Variants in ST8SIA1 observed in about 807,000 individuals in gnomAD.
The protein encoded by ST8SIA1 is alpha-N-acetylneuraminide alpha-2,8-sialyltransferase.
Under a neutral mutation model 35.9 loss-of-function variants are expected in ST8SIA1, and 16 were observed. That is an observed-to-expected ratio of 0.45 (90% CI 0.30 to 0.68). ST8SIA1 has a LOEUF of 0.68. Ranked by LOEUF, ST8SIA1 falls within the 30% of genes least tolerant of loss-of-function variation. The pLI, the probability that ST8SIA1 is intolerant of heterozygous loss-of-function variation, is 0.09. For synonymous variants in ST8SIA1, 170 were observed against 169.6 expected (o/e 1.00, Z -0.02); for missense variants, 383 against 453.6 (o/e 0.84, Z 1.41).
chr12:22,222,730 A>G lies in ST8SIA1; in HGVS notation c.585-20692T>C, dbSNP rs137962696. Among the ~76,000 whole-genome samples the G allele has an allele frequency of 1.3e-3, 200 of 152,156 alleles. 1 individual carries two copies. The East Asian group carries it at 0.031, about 23-fold the overall frequency. On this transcript the variant is annotated intron_variant, in intron 4 of 4. Transcript: ENST00000396037. Reference sequence around the variant, plus strand: ...TCATTGATTTATTTATGATTGATAAATAAAATTAGTTTCTTTACATTTTAA... The same window carrying G: ...TCATTGATTTATTTATGATTGATAAGTAAAATTAGTTTCTTTACATTTTAA...
At position 22,334,316 on chromosome 12, in the gene ST8SIA1, GC is replaced by G; in HGVS notation, c.-85del. On this transcript the variant is annotated 5_prime_UTR_variant, in exon 1 of 5. It removes the in-frame stop codon of an upstream open reading frame in the 5' UTR. Transcript: ENST00000396037. ...GGCAGCGGAGGGTCCCCCACCGCCA[GC>G]CCCCCATGCACACACACCTTTGGTT... 9.6e-7 allele frequency: 1 copy of G among 1,041,608 alleles called. No individual in the cohort carries two copies. The highest frequency in any genetic ancestry group is 2.2e-5 in the Admixed American group (1 of 44,524). The allele number at this position is 1,041,608 out of a possible 1,614,324, so 64.5% of individuals were successfully genotyped here.
chr12:22,238,802 GATTT>G (rs1227892392), intron 4 of ST8SIA1, among the ~76,000 whole-genome samples: 1 of 152,014 alleles, frequency 6.6e-6, no homozygotes, highest in Non-Finnish European at 1.5e-5. Context: ...AAATTGTTTA[GATTT>G]ATTGATATGT....
rs557423921 is a variant in ST8SIA1, at chr12:22,270,814, A to C, written c.382-15425T>G. Among the ~76,000 whole-genome samples the C allele has an allele frequency of 4.6e-5, 7 of 152,368 alleles. No homozygotes were observed. The South Asian group carries it at 1.4e-3, about 32-fold the overall frequency. ...TACCCCATAAATTTACACAAATTTT[A>C]AAGATAGGAACAAAAAGAAAATTGA... is the stretch of plus-strand genomic sequence containing the variant. On this transcript the variant is annotated intron_variant, in intron 2 of 4. Transcript: ENST00000396037.
At chr12:22,241,544 C>T (rs1037027331) in intron 4 of ST8SIA1, among the ~76,000 whole-genome samples, 8 of 151,354 alleles carry the variant, frequency 5.3e-5, no homozygotes, top group African/African-American at 7.3e-5. Context: ...GTAAAGTCTG[C>T]GGAACCAGGA....
rs2135804407 is a variant in ST8SIA1, at chr12:22,268,191, A to G, written c.382-12802T>C. On this transcript the variant is annotated intron_variant, in intron 2 of 4. Transcript: ENST00000396037. ...ATCCAGCCCCAGACTTTCTGGAGAA[A>G]TGCCAAGAATCTATCTAAGCAAATG... Among the ~76,000 whole-genome samples, 3 of 152,350 alleles carry G rather than the reference A, an allele frequency of 2.0e-5. No individual in the cohort carries two copies. The Middle Eastern group carries it at 0.01, about 518-fold the overall frequency.
At chr12:22,276,132 C>A (rs2135809557) in intron 2 of ST8SIA1, among the ~76,000 whole-genome samples, 1 of 152,324 alleles carries the variant, frequency 6.6e-6, no homozygotes, top group East Asian at 1.9e-4. Flanking sequence ...GGGCTTGTCA[C>A]TGGGAAAACA....
chr12:22,210,117 T>G (rs1411585266), intron 4 of ST8SIA1, among the ~76,000 whole-genome samples: 1 of 152,156 alleles, frequency 6.6e-6, no homozygotes, highest in Non-Finnish European at 1.5e-5. Context: ...TAACTCTAAT[T>G]TACATTGAAA....
At chr12:22,217,902 A>G (rs1307619226) in intron 4 of ST8SIA1, among the ~76,000 whole-genome samples, 2 of 152,240 alleles carry the variant, frequency 1.3e-5, no homozygotes, top group Admixed American at 1.3e-4. Flanking sequence ...ATGTCTGTGC[A>G]TTTGTTTATA....
chr12:22,299,774 C>T (rs996101755), intron 1 of ST8SIA1, among the ~76,000 whole-genome samples: 7 of 151,906 alleles, frequency 4.6e-5, no homozygotes, highest in African/African-American at 1.7e-4. Flanking sequence ...TGCATCTGGC[C>T]ATTTTCAGTT....
chr12:22,203,508 G>T (rs1438309807), intron 4 of ST8SIA1, among the ~76,000 whole-genome samples: 1 of 152,186 alleles, frequency 6.6e-6, no homozygotes, highest in African/African-American at 2.4e-5. Context: ...CCAGAAGGAA[G>T]GGAAATCTCT....
intron 4 of ST8SIA1, among the ~76,000 whole-genome samples, chr12:22,202,951 G>A (rs773856975): frequency 7.9e-5 from 12 of 152,166 alleles, no homozygotes; most frequent in Admixed American, 3.3e-4. Context: ...TGCTAATGGC[G>A]GCAGCAGTGG....
At chr12:22,296,865 G>A (rs1458961663) in intron 1 of ST8SIA1, among the ~76,000 whole-genome samples, 1 of 152,184 alleles carries the variant, frequency 6.6e-6, no homozygotes, top group Non-Finnish European at 1.5e-5. Context: ...CAGATCACAA[G>A]TACCAGTCAC....
In ST8SIA1 at chr12:22,315,207, T is replaced by A. The variant is rs548170080; in HGVS notation, c.236+18790A>T. On this transcript the variant is annotated intron_variant, in intron 1 of 4. Transcript: ENST00000396037. The stretch of plus-strand genomic sequence containing the variant: ...AAACTCAATAATGACTCGTTGAATT[T>A]AAAAAAAAAAAGTGCTAAACAGAGT... 2.7e-4 allele frequency among the ~76,000 whole-genome samples: 40 copies of A among 147,278 alleles called. No homozygotes were observed. In the East Asian group the frequency reaches 5.3e-3, roughly 20 times the overall value.
chr12:22,202,058 CT>C lies in ST8SIA1; in HGVS notation c.585-21del. On this transcript the variant is annotated intron_variant, in intron 4 of 4. Transcript: ENST00000396037. ...TGAAACCTATTGAAGAAAAAAAAAA[CT>C]GTTCAATTAAACCTAGAGAAAAAGA... The C allele has an allele frequency of 6.5e-7, 1 of 1,535,782 alleles. No individual in the cohort carries two copies. Among genetic ancestry groups the C allele is most frequent in the South Asian group, 1.3e-5 (1 of 77,208 alleles).
chr12:22,294,005 A>G (rs1334632496), intron 1 of ST8SIA1, among the ~76,000 whole-genome samples: 3 of 152,138 alleles, frequency 2.0e-5, no homozygotes, highest in Non-Finnish European at 4.4e-5. Context: ...ACTTAAAGAA[A>G]TCTGTCTGAA....
At chr12:22,240,664 G>T (rs1865529977) in intron 4 of ST8SIA1, among the ~76,000 whole-genome samples, 1 of 152,130 alleles carries the variant, frequency 6.6e-6, no homozygotes, top group South Asian at 2.1e-4. Flanking sequence ...TTGGACCCAA[G>T]TTATTTTCCT....
chr12:22,327,989 C>A (rs1475903511), intron 1 of ST8SIA1, among the ~76,000 whole-genome samples: 1 of 152,236 alleles, frequency 6.6e-6, no homozygotes, highest in African/African-American at 2.4e-5. Context: ...CAGTCAGGGG[C>A]AATTTTCCCC....
chr12:22,248,479 A>G (rs543001638), intron 4 of ST8SIA1, among the ~76,000 whole-genome samples: 2 of 152,134 alleles, frequency 1.3e-5, no homozygotes, highest in Non-Finnish European at 2.9e-5. Context: ...TCCTAGAACA[A>G]GAATTTTACA....
chr12:22,334,217 G>T lies in ST8SIA1; in HGVS notation c.16C>A (p.Arg6=). 6.2e-7 allele frequency: 1 copy of T among 1,612,028 alleles called. No homozygotes were observed. Residue 6 remains arginine, a synonymous_variant, in exon 1 of 5, where the codon CGG becomes AGG. Coordinates refer to ENST00000396037, the MANE Select transcript of ST8SIA1 (RefSeq NM_003034.4). ...CCTCTGGACGTTTGTCGCCGGGCCC[G>T]CCCGCAGGGGCTCATCGCAGCCCCG... The part of the protein sequence containing the change: MSPCG[R]ARRQTSRGAM...
Sources: gnomAD v4.1 joint callset for allele counts (sites outside exome capture counted in the v4.1 genomes callset) on GRCh38, gnomAD v4.1.1 for gene constraint, MANE v1.5 for transcripts, NCBI Gene and HGNC (gene_info 2026-07-23, HGNC 2026-07-21) for gene names.